Variants in PHKG1 observed in about 807,000 individuals in gnomAD.
PHKG1 encodes phosphorylase kinase catalytic subunit gamma 1.
PHKG1 carries 48 observed loss-of-function variants against 50.5 expected under a neutral mutation model. The ratio of observed to expected loss-of-function variants is 0.95; its 90% CI spans 0.75 to 1.21. The LOEUF is 1.21. PHKG1 is among the 50% of genes most tolerant of loss of function. The probability of loss-of-function intolerance (pLI) is 0.00; values close to 1 mark genes in which losing one functional copy is unlikely to be tolerated. For synonymous variants in PHKG1, 204 were observed against 212.8 expected (o/e 0.96, Z 0.36); for missense variants, 487 against 519.5 (o/e 0.94, Z 0.61).
Position 56,081,302 on chromosome 7 carries a change from G to A in PHKG1, c.919-3C>T. On this transcript the variant is annotated splice_polypyrimidine_tract_variant and splice_region_variant and intron_variant, in intron 9 of 9. Coordinates refer to ENST00000297373, the MANE Select transcript of PHKG1 (RefSeq NM_006213.5). This position sits in a 1 kb window ranked among gnomAD's most constrained non-coding sequence, Gnocchi z 4.6. ...GCCAGCACGGTCAGAGCGATCACCT[G>A]CAGGGCCAGGCGGAGAAGCTGGGCT... is the stretch of plus-strand genomic sequence containing the variant. 6.2e-7 allele frequency: 1 copy of A among 1,603,692 alleles called. No homozygotes were observed. The highest frequency in any genetic ancestry group is 8.5e-7 in the Non-Finnish European group (1 of 1,178,390).
At chr7:56,086,770 G>T (rs1474496598) in intron 4 of PHKG1, 200 bp downstream of exon 4, 4 of 578,364 alleles carry the variant, frequency 6.9e-6, no homozygotes, top group African/African-American at 5.6e-5. Context: ...TTAAAGAAAT[G>T]ATCCAGCCCA....
chr7:56,084,963 G>C (rs905003550), intron 4 of PHKG1, among the ~76,000 whole-genome samples: 1 of 151,842 alleles, frequency 6.6e-6, no homozygotes. Context: ...GCTGCAGCTG[G>C]TGAGTCTGGA....
At chr7:56,087,093 G>A in intron 3 of PHKG1, 69 bp from the exon 4 acceptor site, 4 of 1,211,994 alleles carry the variant, frequency 3.3e-6, no homozygotes, top group Non-Finnish European at 4.9e-6. Context: ...GGGGCACGGG[G>A]GTCAGGGACC....
chr7:56,084,217 C>G (rs758444828), intron 4 of PHKG1: 1 of 1,533,586 alleles, frequency 6.5e-7, no homozygotes, highest in South Asian at 1.2e-5. Flanking sequence ...ATTTCTGTTC[C>G]ATCTCCATTG....
At chr7:56,082,390 C>T (rs550515143) in intron 6 of PHKG1, 137 bp from the exon 7 acceptor site, 179 of 616,922 alleles carry the variant, frequency 2.9e-4, no homozygotes, top group African/African-American at 2.2e-3. Flanking sequence ...GCCAGGAGTT[C>T]GAGACCAGCC....
intron 6 of PHKG1, 36 bp from the exon 7 acceptor site, chr7:56,082,289 G>A: frequency 6.5e-7 from 1 of 1,542,750 alleles, no homozygotes; most frequent in Non-Finnish European, 8.9e-7. Flanking sequence ...AGGTCAGCAG[G>A]GCACTCAGAA....
chr7:56,091,192 G>T (rs1263290756), intron 1 of PHKG1, among the ~76,000 whole-genome samples: 1 of 151,024 alleles, frequency 6.6e-6, no homozygotes, highest in African/African-American at 2.4e-5. Context: ...CAGCCTAGGT[G>T]ACGGAGTGAG....
chr7:56,080,731 A>C lies in PHKG1; in HGVS notation c.*323T>G. The C allele has an allele frequency of 2.7e-6, 1 of 366,218 alleles. No homozygotes were observed. The highest frequency in any genetic ancestry group is 5.1e-6 in the Non-Finnish European group (1 of 196,068). 22.7% of individuals were successfully genotyped at this position (366,218 alleles called of 1,614,324 possible). On this transcript the variant is annotated 3_prime_UTR_variant, in exon 10 of 10. Transcript: ENST00000297373. The stretch of plus-strand genomic sequence containing the variant: ...AAGGGAAGAAAGCCTGAGTGTCAGT[A>C]ACTCTGGGCCTCCCCTAAAGAGAAA...
Position 56,080,858 on chromosome 7 carries a change from A to C in PHKG1, c.*196T>G. ...CCAGGGCCTGCCCCAGCCTGCAGGT[A>C]TTGCTGTGTGGTGGGAACACCCACT... On this transcript the variant is annotated 3_prime_UTR_variant, in exon 10 of 10. Transcript: ENST00000297373. The C allele has an allele frequency of 1.6e-6, 1 of 634,382 alleles. No homozygotes were observed. The highest frequency in any genetic ancestry group is 2.7e-6 in the Non-Finnish European group (1 of 372,244). 39.3% of individuals were successfully genotyped at this position (634,382 alleles called of 1,614,324 possible).
chr7:56,086,525 G>C (rs1261473190), intron 4 of PHKG1, among the ~76,000 whole-genome samples: 1 of 151,842 alleles, frequency 6.6e-6, no homozygotes, highest in Non-Finnish European at 1.5e-5. Flanking sequence ...TTTCGCTCTC[G>C]TAGCCCAGGC....
In PHKG1 at chr7:56,081,260, A is replaced by G. The variant is rs1795970087; in HGVS notation, c.958T>C (p.Tyr320His). The change falls in exon 10 of 10, where the codon TAC becomes CAC. Residue 320 changes from tyrosine (Y) to histidine (H), a missense_variant. Coordinates refer to ENST00000297373, the MANE Select transcript of PHKG1 (RefSeq NM_006213.5). The surrounding 1 kb of genome is among the most constrained non-coding windows in gnomAD (Gnocchi z 4.6). ...ACAGGCTTCACCCGGCGGTACTGGT[A>G]GTAGATCCGCACTGAAGCCAGCACG... The part of the protein sequence containing the change: ...LTVLASVRIY[Y>H]QYRRVKPVTR... 6.2e-7 allele frequency: 1 copy of G among 1,612,620 alleles called. No individual in the cohort carries two copies. The highest frequency in any genetic ancestry group is 8.5e-7 in the Non-Finnish European group (1 of 1,179,900).
intron 6 of PHKG1, 66 bp from the exon 7 acceptor site, chr7:56,082,319 GCAGTGGCT>G (rs1796043896): frequency 2.4e-6 from 3 of 1,258,886 alleles, no homozygotes; most frequent in Non-Finnish European, 3.4e-6. Flanking sequence ...CAGGCTGGCC[GCAGTGGCT>G]CATTTCTATA....
In PHKG1 at chr7:56,088,888, C is replaced by T. The variant is rs1041542802; in HGVS notation, c.54G>A (p.Glu18=). ...CCAGGATCTCTTTGGGCTCATAATTCTCATAGAAGTCCTGTGCAGAATGAG... is the reference window on the plus strand; with the variant it reads ...CCAGGATCTCTTTGGGCTCATAATTTTCATAGAAGTCCTGTGCAGAATGAG... ...PDSHSAQDFY[E]NYEPKEILGR... Residue 18 remains glutamate, a synonymous_variant, in exon 2 of 10, where the codon GAG becomes GAA. Transcript: ENST00000297373. The T allele has an allele frequency of 1.9e-6, 3 of 1,613,600 alleles. No individual in the cohort carries two copies. Among genetic ancestry groups the T allele is most frequent in the African/African-American group, 1.3e-5 (1 of 74,900 alleles).
intron 6 of PHKG1, 158 bp downstream of exon 6, chr7:56,083,120 A>AAG: frequency 1.6e-6 from 1 of 642,442 alleles, no homozygotes; most frequent in Non-Finnish European, 2.6e-6. Context: ...AAAAAAAAAA[A>AAG]GAAAGAAAAA....
intron 2 of PHKG1, 193 bp downstream of exon 2, chr7:56,088,666 T>G: frequency 2.0e-6 from 1 of 495,370 alleles, no homozygotes. Flanking sequence ...CCTGGGAACT[T>G]TTTGCTGGGA....
rs749983849 is a variant in PHKG1, at chr7:56,081,318, A to G, written c.919-19T>C. 3 of 1,594,700 alleles carry G rather than the reference A, an allele frequency of 1.9e-6. No individual in the cohort carries two copies. The highest frequency in any genetic ancestry group is 1.7e-6 in the Non-Finnish European group (2 of 1,175,512). On this transcript the variant is annotated intron_variant, in intron 9 of 9. Transcript: ENST00000297373. This position sits in a 1 kb window ranked among gnomAD's most constrained non-coding sequence, Gnocchi z 4.6. ...CGATCACCTGCAGGGCCAGGCGGAG[A>G]AGCTGGGCTGCAGCCCCCGCCCTGC...
chr7:56,084,317 T>G, intron 4 of PHKG1: 1 of 850,602 alleles, frequency 1.2e-6, no homozygotes, highest in Non-Finnish European at 1.9e-6. Context: ...GAGGGGACTA[T>G]GAACCACTGG....
rs147654051 is a variant in PHKG1 at position 56,082,221 on chromosome 7, C to G, written c.580G>C (p.Glu194Gln). The G allele has an allele frequency of 1.2e-6, 2 of 1,613,840 alleles. No homozygotes were observed. Among genetic ancestry groups the G allele is most frequent in the Admixed American group, 3.3e-5 (2 of 60,012 alleles). ...TCATTCATGGAGCACTCGATAATCT[C>G]AGGGGCCAGGTAACTGGGGGTCCCG... Reference protein sequence around the residue: ...VCGTPSYLAPEIIECSMNEDH... With the variant: ...VCGTPSYLAPQIIECSMNEDH... Residue 194 changes from glutamate to glutamine, a missense_variant, in exon 7 of 10, where the codon GAG becomes CAG. Transcript: ENST00000297373.
intron 6 of PHKG1, 168 bp downstream of exon 6, chr7:56,083,105 CAAAAA>C: frequency 1.1e-5 from 5 of 442,858 alleles, no homozygotes; most frequent in Admixed American, 4.8e-5. Context: ...GACTCCATCT[CAAAAA>C]AAAAAAAAAA....
Sources: gnomAD v4.1 joint callset for allele counts (sites outside exome capture counted in the v4.1 genomes callset) on GRCh38, gnomAD v4.1.1 for gene constraint, Gnocchi (gnomAD v3.1) non-coding constraint, MANE v1.5 for transcripts, NCBI Gene and HGNC (gene_info 2026-07-23, HGNC 2026-07-21) for gene names.